The following CFAP61 variants were observed in gnomAD, a reference collection of about 807,000 sequenced individuals.
The protein encoded by CFAP61 is cilia and flagella associated protein 61, also known as cilia- and flagella-associated protein 61.
Under a neutral mutation model 135.6 loss-of-function variants are expected in CFAP61, and 107 were observed. The observed-to-expected ratio is 0.79, with a 90% CI of 0.67 to 0.93. CFAP61 has a LOEUF of 0.93. Ranked by LOEUF, CFAP61 falls within the 40% of genes least tolerant of loss-of-function variation. CFAP61 has a pLI of 0.00. For synonymous variants in CFAP61, 575 were observed against 578.5 expected (o/e 0.99, Z 0.09); for missense variants, 1,507 against 1,556.2 (o/e 0.97, Z 0.53).
chr20:20,052,766 G>A, intron 1 of CFAP61, 175 bp downstream of exon 1: 1 of 1,545,684 alleles, frequency 6.5e-7, no homozygotes. Context: ...ATGCTCGAGG[G>A]CGGGGGAAGA....
chr20:20,145,827 A>G (rs1330244709), intron 9 of CFAP61, among the ~76,000 whole-genome samples: 1 of 152,250 alleles, frequency 6.6e-6, no homozygotes, highest in Non-Finnish European at 1.5e-5. Context: ...TATGCACCCA[A>G]TAACAGTGCT....
intron 18 of CFAP61, among the ~76,000 whole-genome samples, chr20:20,235,396 A>G (rs927121886): frequency 6.6e-5 from 10 of 152,016 alleles, no homozygotes; most frequent in African/African-American, 2.2e-4. Flanking sequence ...TTCAGGCCCC[A>G]CCCAGACCTC....
chr20:20,128,595 C>G (rs1227273804), intron 8 of CFAP61, among the ~76,000 whole-genome samples: 5 of 151,682 alleles, frequency 3.3e-5, no homozygotes, highest in Admixed American at 3.3e-4. Context: ...CGGGTCCTTT[C>G]AAGATTGCTG....
intron 17 of CFAP61, among the ~76,000 whole-genome samples, chr20:20,204,420 ATC>A (rs2056771175): frequency 6.6e-6 from 1 of 151,914 alleles, no homozygotes; most frequent in African/African-American, 2.4e-5. Flanking sequence ...CTGGTATGTG[ATC>A]TCTCAGGAAG....
intron 24 of CFAP61, among the ~76,000 whole-genome samples, chr20:20,296,049 TCCTTC>T (rs2055442618): frequency 9.6e-5 from 2 of 20,894 alleles, no homozygotes; most frequent in African/African-American, 7.4e-4. Context: ...CTCCCTCCCT[TCCTTC>T]CCTTCCTTCC....
At chr20:20,106,131 C>T (rs572217039) in intron 8 of CFAP61, among the ~76,000 whole-genome samples, 3 of 148,712 alleles carry the variant, frequency 2.0e-5, no homozygotes, top group South Asian at 4.3e-4. Context: ...TCATACCAGA[C>T]CTATACCCAG....
chr20:20,181,820 C>A (rs901375826), intron 13 of CFAP61, among the ~76,000 whole-genome samples: 1 of 152,192 alleles, frequency 6.6e-6, no homozygotes, highest in Non-Finnish European at 1.5e-5. Context: ...AGTACACATT[C>A]ACTTCTGGGA....
At chr20:20,278,874 A>T (rs1394150964) in intron 22 of CFAP61, among the ~76,000 whole-genome samples, 1 of 152,202 alleles carries the variant, frequency 6.6e-6, no homozygotes, top group Non-Finnish European at 1.5e-5. Flanking sequence ...TTTATTGAAC[A>T]CCTGCTAGGT....
chr20:20,097,013 C>T (rs2047626091), intron 7 of CFAP61, among the ~76,000 whole-genome samples: 1 of 151,830 alleles, frequency 6.6e-6, no homozygotes, highest in South Asian at 2.1e-4. Flanking sequence ...GAGGAGGTCT[C>T]ACTTTTATTT....
At position 20,090,894 on chromosome 20, in the gene CFAP61, T is replaced by A; in HGVS notation, c.617T>A (p.Ile206Asn). The change falls in exon 7 of 27, where the codon ATT (isoleucine) becomes AAT (asparagine). Residue 206 changes from isoleucine (I) to asparagine (N), a missense_variant. Physicochemically the swap from Ile to Asn is moderately radical, Grantham distance 149. Transcript: ENST00000245957. ...CCAATATTTATGCGCTATGACACAA[T>A]TCTGAAGGAAACTTACGGTGAATAC... Reference protein sequence around the residue: ...LMPIFMRYDTILKETYGEYFL... With the variant: ...LMPIFMRYDTNLKETYGEYFL... The A allele has an allele frequency of 6.2e-7, 1 of 1,614,032 alleles. No individual in the cohort carries two copies. The highest frequency in any genetic ancestry group is 8.5e-7 in the Non-Finnish European group (1 of 1,179,970).
chr20:20,262,379 C>T (rs148538988), intron 20 of CFAP61, among the ~76,000 whole-genome samples: 89 of 152,346 alleles, frequency 5.8e-4, no homozygotes, highest in African/African-American at 2.1e-3. Flanking sequence ...TATGAGGAAG[C>T]CCAAGCTACA....
At chr20:20,145,983 G>A (rs2051847454) in intron 9 of CFAP61, among the ~76,000 whole-genome samples, 1 of 152,252 alleles carries the variant, frequency 6.6e-6, no homozygotes, top group Non-Finnish European at 1.5e-5. Flanking sequence ...TAATGACAGT[G>A]TTGACCAGCC....
At chr20:20,096,690 C>T (rs1185636230) in intron 7 of CFAP61, among the ~76,000 whole-genome samples, 1 of 152,222 alleles carries the variant, frequency 6.6e-6, no homozygotes, top group Non-Finnish European at 1.5e-5. Context: ...TCTTTCTGCA[C>T]ATATGGTAGA....
chr20:20,223,477 G>A (rs2048532500), intron 17 of CFAP61, among the ~76,000 whole-genome samples: 1 of 152,144 alleles, frequency 6.6e-6, no homozygotes, highest in African/African-American at 2.4e-5. Flanking sequence ...ACAGCATCAT[G>A]ATCCATTTTA....
chr20:20,200,558 T>C (rs2056562595), intron 17 of CFAP61: 4 of 277,442 alleles, frequency 1.4e-5, no homozygotes, highest in Non-Finnish European at 2.2e-5. Flanking sequence ...TTTCAATAAC[T>C]TAATTGGAAA....
chr20:20,219,511 TATATC>T (rs1194673429), intron 17 of CFAP61, among the ~76,000 whole-genome samples: 1 of 152,210 alleles, frequency 6.6e-6, no homozygotes, highest in Non-Finnish European at 1.5e-5. Context: ...GCATCTCTGA[TATATC>T]ATATGTCCCA....
intron 8 of CFAP61, among the ~76,000 whole-genome samples, chr20:20,109,445 G>C (rs2048642984): frequency 1.3e-5 from 2 of 152,252 alleles, no homozygotes; most frequent in South Asian, 4.1e-4. Context: ...GGTAAATGAT[G>C]CTCTTGGTTG....
rs1568779157 is a variant in CFAP61 at position 20,054,020 on chromosome 20, T to TTTGTTTTTG, written c.-37+1431_-37+1432insGTTTTTGTT. Among the ~76,000 whole-genome samples the TTTGTTTTTG allele has an allele frequency of 2.3e-4, 35 of 149,874 alleles. 1 individual carries two copies. The highest frequency in any genetic ancestry group is 2.7e-4 in the African/African-American group (11 of 41,224). On this transcript the variant is annotated intron_variant, in intron 1 of 26. Transcript: ENST00000245957. ...TGTGTGTTTTTTTTGTTTGTTTTTTTTTTTTTTTTTTTTTAGGAAAAATGT... is the reference window on the plus strand; with the variant it reads ...TGTGTGTTTTTTTTGTTTGTTTTTTTTTGTTTTTGTTTTTTTTTTTTTTAGGAAAAATGT...
intron 16 of CFAP61, among the ~76,000 whole-genome samples, chr20:20,197,640 G>A (rs923091137): frequency 2.6e-5 from 4 of 151,316 alleles, no homozygotes; most frequent in East Asian, 1.9e-4. Flanking sequence ...TCCCCCACAC[G>A]CACACACTCA....
Sources: allele counts gnomAD v4.1 joint callset (sites outside exome capture counted in the v4.1 genomes callset), GRCh38; gene constraint gnomAD v4.1.1; transcripts MANE v1.5; gene names NCBI Gene and HGNC (gene_info 2026-07-23, HGNC 2026-07-21).